NCF2: variants seen among roughly 807,000 people sequenced by gnomAD.
The protein encoded by NCF2 is neutrophil cytosolic factor 2.
In NCF2, 45 loss-of-function variants were observed where a neutral mutation model predicts 70.9. That is an observed-to-expected ratio of 0.63 (90% CI 0.50 to 0.81). NCF2 has a LOEUF of 0.81. Ranked by LOEUF, NCF2 falls within the 40% of genes least tolerant of loss-of-function variation. The probability of loss-of-function intolerance (pLI) is 0.00; values close to 1 mark genes in which losing one functional copy is unlikely to be tolerated. For missense variants in NCF2, 522 were observed against 631.6 expected, an observed-to-expected ratio of 0.83 and a Z score of 1.86; for synonymous variants, 203 against 233.6, an observed-to-expected ratio of 0.87 and a Z score of 1.19.
upstream of NCF2, among the ~76,000 whole-genome samples, chr1:183,592,142 T>C (rs1454745319): frequency 6.6e-6 from 1 of 152,226 alleles, no homozygotes; most frequent in African/African-American, 2.4e-5. Context: ...TTGTAGCAAC[T>C]GAAAGAATTC....
At chr1:183,597,738 T>G in the NCF2 span, 1 of 152,358 alleles carries the variant, frequency 6.6e-6, no homozygotes, top group East Asian at 1.9e-4. Context: ...AAAACAAAAT[T>G]TTTAAAGATT....
At chr1:183,587,281 G>A (rs1291259864) in intron 1 of NCF2, among the ~76,000 whole-genome samples, 1 of 152,040 alleles carries the variant, frequency 6.6e-6, no homozygotes, top group African/African-American at 2.4e-5. Flanking sequence ...GTCATATATG[G>A]CCTAGAAAAG....
At chr1:183,574,103 A>G (rs1672692263) in intron 4 of NCF2, among the ~76,000 whole-genome samples, 1 of 152,066 alleles carries the variant, frequency 6.6e-6, no homozygotes, top group Non-Finnish European at 1.5e-5. Context: ...ACAAAACAAA[A>G]CATTTTTGCT....
chr1:183,560,600 G>A (rs891928774), intron 13 of NCF2, among the ~76,000 whole-genome samples: 2 of 152,082 alleles, frequency 1.3e-5, no homozygotes, highest in Non-Finnish European at 2.9e-5. Flanking sequence ...AAGAGCATGC[G>A]ACCTAGATCC....
At chr1:183,599,446 CTTT>C in the NCF2 span, among the ~76,000 whole-genome samples, 45 of 94,134 alleles carry the variant, frequency 4.8e-4, no homozygotes, top group African/African-American at 1.0e-3. Context: ...TTCTTTCTTT[CTTT>C]CTTTCTTTCT....
chr1:183,574,857 C>T (rs539568553), intron 3 of NCF2, among the ~76,000 whole-genome samples: 1 of 152,280 alleles, frequency 6.6e-6, no homozygotes, highest in Non-Finnish European at 1.5e-5. Context: ...TTGTACTCTT[C>T]CAACAACGAA....
upstream of NCF2, among the ~76,000 whole-genome samples, chr1:183,593,148 A>G (rs1332138783): frequency 6.6e-6 from 1 of 152,170 alleles, no homozygotes; most frequent in African/African-American, 2.4e-5. Context: ...CACCTCAAAT[A>G]GTGTGCCTCA....
chr1:183,565,833 G>A (rs545769304), intron 9 of NCF2, 54 bp from the exon 10 acceptor site: 2 of 1,563,338 alleles, frequency 1.3e-6, no homozygotes, highest in Admixed American at 3.3e-5. Flanking sequence ...TCCCAGGCAG[G>A]GGTGGATGTG....
chr1:183,558,238 CTTTT>C (rs961453842), intron 14 of NCF2, among the ~76,000 whole-genome samples: 2 of 150,716 alleles, frequency 1.3e-5, no homozygotes, highest in South Asian at 2.1e-4. Flanking sequence ...CCCCCATTAA[CTTTT>C]TTTTTAATTT....
At chr1:183,580,277 TG>T (rs1455429090) in intron 2 of NCF2, among the ~76,000 whole-genome samples, 1 of 152,196 alleles carries the variant, frequency 6.6e-6, no homozygotes, top group Non-Finnish European at 1.5e-5. Context: ...TAAGTAGCAA[TG>T]GGGCCTTTCA....
At chr1:183,597,469 A>T in the NCF2 span, among the ~76,000 whole-genome samples, 1,380 of 152,284 alleles carry the variant, frequency 9.1e-3, 4 homozygotes, top group Non-Finnish European at 0.015. Flanking sequence ...AGAATTTTTT[A>T]AAAAAATTTA....
At chr1:183,589,551 A>G (rs1170418026) in intron 1 of NCF2, among the ~76,000 whole-genome samples, 7 of 152,250 alleles carry the variant, frequency 4.6e-5, no homozygotes, top group Admixed American at 2.6e-4. Context: ...GTGAGAAAAC[A>G]TAACGAAAAA....
intron 13 of NCF2, among the ~76,000 whole-genome samples, chr1:183,562,839 A>T (rs1250224879): frequency 4.0e-5 from 6 of 150,892 alleles, no homozygotes; most frequent in Non-Finnish European, 5.9e-5. Context: ...AAAAAAAAAA[A>T]GGTGAAGAAT....
At chr1:183,559,265 T>C (rs1302119377) in intron 14 of NCF2, among the ~76,000 whole-genome samples, 2 of 152,110 alleles carry the variant, frequency 1.3e-5, no homozygotes, top group Admixed American at 6.5e-5. Context: ...TGGCCTCAAG[T>C]GATCCTCCTA....
chr1:183,596,188 T>A, the NCF2 span, among the ~76,000 whole-genome samples: 1 of 151,548 alleles, frequency 6.6e-6, no homozygotes, highest in Non-Finnish European at 1.5e-5. Context: ...ATCTGTTAAA[T>A]AGCGATGCCA....
the NCF2 span, among the ~76,000 whole-genome samples, chr1:183,597,233 A>T: frequency 7.9e-5 from 12 of 152,260 alleles, no homozygotes; most frequent in East Asian, 1.5e-3. Context: ...AGAGCCAGGG[A>T]TCTCTTTTAC....
chr1:183,569,117 A>G (rs1322098098), intron 7 of NCF2, 25 bp downstream of exon 7: 3 of 1,608,482 alleles, frequency 1.9e-6, no homozygotes, highest in East Asian at 2.2e-5. Context: ...TGGATATTCT[A>G]TTTATGGATT....
chr1:183,595,211 G>A (rs1454233674), upstream of NCF2, among the ~76,000 whole-genome samples: 1 of 152,158 alleles, frequency 6.6e-6, no homozygotes, highest in Non-Finnish European at 1.5e-5. Context: ...TACAAGACAG[G>A]AAACCCTGAA....
intron 14 of NCF2, 104 bp from the exon 15 acceptor site, chr1:183,556,334 C>G: frequency 3.1e-6 from 3 of 978,618 alleles, no homozygotes; most frequent in Non-Finnish European, 4.9e-6. Context: ...CTTCCCCACC[C>G]CTAATTGTGA....
Sources: allele counts gnomAD v4.1 joint callset (sites outside exome capture counted in the v4.1 genomes callset), GRCh38; gene constraint gnomAD v4.1.1; transcripts MANE v1.5; gene names NCBI Gene and HGNC (gene_info 2026-07-23, HGNC 2026-07-21).